The following ZNF644 variants were observed in gnomAD, a reference collection of about 807,000 sequenced individuals.
ZNF644 encodes zinc finger motif enhancer binding protein 2.
A neutral mutation model predicts 108.0 loss-of-function variants in ZNF644; 20 were observed. That is an observed-to-expected ratio of 0.19 (90% confidence interval 0.13 to 0.27). The LOEUF (loss-of-function observed/expected upper bound fraction) is 0.27. Among genes scored for constraint, ZNF644 ranks in the 10% least tolerant of loss-of-function variants. The pLI, the probability that ZNF644 is intolerant of heterozygous loss-of-function variation, is 1.00. For synonymous variants in ZNF644, 542 were observed against 539.1 expected (o/e 1.01, Z -0.08); for missense variants, 1,338 against 1,548.9 (o/e 0.86, Z 2.29).
intron 4 of ZNF644, among the ~76,000 whole-genome samples, chr1:90,934,409 A>T (rs1651100157): frequency 1.3e-5 from 2 of 152,202 alleles, no homozygotes; most frequent in African/African-American, 4.8e-5. Flanking sequence ...AAAAAGAGCA[A>T]GAGAAATAAA....
chr1:90,967,955 G>C (rs1168898743), intron 2 of ZNF644, among the ~76,000 whole-genome samples: 1 of 151,176 alleles, frequency 6.6e-6, no homozygotes, highest in Non-Finnish European at 1.5e-5. Context: ...CTGCTACTCG[G>C]GAGGCTGAGG....
chr1:90,989,123 C>T (rs1450360731), intron 1 of ZNF644, among the ~76,000 whole-genome samples: 2 of 152,032 alleles, frequency 1.3e-5, no homozygotes, highest in African/African-American at 4.8e-5. Context: ...AATCATGTAT[C>T]TGATAAGAGG....
At chr1:90,960,642 C>T (rs975416953) in intron 2 of ZNF644, among the ~76,000 whole-genome samples, 1 of 152,058 alleles carries the variant, frequency 6.6e-6, no homozygotes, top group Non-Finnish European at 1.5e-5. Context: ...GACACATTTC[C>T]ACTTCCTTAG....
At chr1:90,973,470 T>C (rs892470399) in intron 2 of ZNF644, among the ~76,000 whole-genome samples, 3 of 152,174 alleles carry the variant, frequency 2.0e-5, no homozygotes, top group African/African-American at 7.2e-5. Context: ...TATTTTAGTT[T>C]TGTTATCTGT....
chr1:90,952,484 C>T (rs1653274874), intron 2 of ZNF644, among the ~76,000 whole-genome samples: 1 of 151,648 alleles, frequency 6.6e-6, no homozygotes, highest in Admixed American at 6.6e-5. Context: ...TTTTTCAAAA[C>T]ACAGAACATT....
At chr1:90,934,582 T>C (rs1250091607) in intron 4 of ZNF644, among the ~76,000 whole-genome samples, 1 of 152,214 alleles carries the variant, frequency 6.6e-6, no homozygotes, top group Non-Finnish European at 1.5e-5. Flanking sequence ...GCGTATTACA[T>C]ATAAGTAAGC....
At chr1:91,016,341 G>A (rs189149012) in intron 1 of ZNF644, among the ~76,000 whole-genome samples, 2 of 152,258 alleles carry the variant, frequency 1.3e-5, no homozygotes, top group Admixed American at 6.5e-5. Flanking sequence ...TTTGGTCACT[G>A]TGCAAACATC....
chr1:90,994,746 A>C (rs542454946), intron 1 of ZNF644, among the ~76,000 whole-genome samples: 8 of 152,330 alleles, frequency 5.3e-5, no homozygotes, highest in African/African-American at 1.7e-4. Context: ...GGAAATTAGT[A>C]AAATTCCGAG....
At chr1:91,007,882 T>C (rs895287267) in intron 1 of ZNF644, among the ~76,000 whole-genome samples, 3 of 152,218 alleles carry the variant, frequency 2.0e-5, no homozygotes, top group Non-Finnish European at 4.4e-5. Context: ...TGGTGATCCT[T>C]AATCTCATAT....
At chr1:91,011,869 G>A (rs1350988556) in intron 1 of ZNF644, among the ~76,000 whole-genome samples, 1 of 152,140 alleles carries the variant, frequency 6.6e-6, no homozygotes, top group Non-Finnish European at 1.5e-5. Context: ...ATGCCTGGAA[G>A]CTACCATCAA....
At chr1:91,013,336 A>G (rs1660131268) in intron 1 of ZNF644, among the ~76,000 whole-genome samples, 1 of 152,064 alleles carries the variant, frequency 6.6e-6, no homozygotes, top group Middle Eastern at 3.2e-3. Context: ...TCAGCCTCCC[A>G]TAGTGCTGGG....
In ZNF644 at chr1:90,987,255, T is replaced by TG. The variant is rs1002126992; in HGVS notation, c.-17-4886_-17-4885insC. 4.0e-5 allele frequency among the ~76,000 whole-genome samples: 6 copies of TG among 148,774 alleles called. 1 individual carries two copies. Among genetic ancestry groups the TG allele is most frequent in the African/African-American group, 1.2e-4 (5 of 40,796 alleles). On this transcript the variant is annotated intron_variant, in intron 1 of 5. Transcript: ENST00000337393. ...ATGAAACCTAGAGTTGGTTTTTTTTTTTTTTTTTTTTTAAAAAAAGATCAA... is the reference window on the plus strand; with the variant it reads ...ATGAAACCTAGAGTTGGTTTTTTTTTGTTTTTTTTTTTTAAAAAAAGATCAA...
chr1:90,980,930 C>T (rs140429652), intron 2 of ZNF644, among the ~76,000 whole-genome samples: 1,728 of 152,064 alleles, frequency 0.011, 14 homozygotes, highest in South Asian at 0.021. Context: ...AGCTCTATAC[C>T]TCAAATTTTA....
intron 2 of ZNF644, among the ~76,000 whole-genome samples, chr1:90,946,286 G>C (rs1388475089): frequency 1.3e-5 from 2 of 152,046 alleles, no homozygotes; most frequent in Non-Finnish European, 2.9e-5. Context: ...GTCACATTGA[G>C]AAGAAACACT....
chr1:90,964,911 G>A (rs1014619654), intron 2 of ZNF644, among the ~76,000 whole-genome samples: 17 of 151,916 alleles, frequency 1.1e-4, no homozygotes, highest in African/African-American at 4.1e-4. Flanking sequence ...TTTACTTTTT[G>A]TTGCTTGTTG....
At position 90,940,650 on chromosome 1, in the gene ZNF644, T is replaced by C. The variant is rs562026222; in HGVS notation, c.704A>G (p.Asp235Gly). The C allele has an allele frequency of 7.4e-6, 12 of 1,614,084 alleles. No homozygotes were observed. In the Admixed American group the frequency reaches 1.2e-4, roughly 16 times the overall value. Residue 235 changes from aspartate to glycine, a missense_variant, in exon 3 of 6, where the codon GAT becomes GGT. Coordinates refer to ENST00000337393, the MANE Select transcript of ZNF644 (RefSeq NM_201269.3). Reference protein sequence around the residue: ...GEDGEDLLVKDDCVNTVTGIS... With the variant: ...GEDGEDLLVKGDCVNTVTGIS... ...TCCCGTTACTGTATTGACACAATCA[T>C]CTTTCACCAATAAATCTTCACCATC... is the stretch of plus-strand genomic sequence containing the variant.
intron 2 of ZNF644, among the ~76,000 whole-genome samples, chr1:90,941,949 C>G (rs990525955): frequency 2.0e-5 from 3 of 152,176 alleles, no homozygotes; most frequent in Non-Finnish European, 4.4e-5. Flanking sequence ...TCCCAACATT[C>G]TATCAATTGT....
chr1:91,014,054 C>T (rs968191004), intron 1 of ZNF644, among the ~76,000 whole-genome samples: 2 of 152,022 alleles, frequency 1.3e-5, no homozygotes, highest in African/African-American at 4.8e-5. Context: ...TTTTCTTCTT[C>T]TTCTTCTTAA....
At position 90,938,614 on chromosome 1, in the gene ZNF644, C is replaced by T. The variant is rs779519932; in HGVS notation, c.2740G>A (p.Asp914Asn). 9.3e-6 allele frequency: 15 copies of T among 1,611,552 alleles called. No individual in the cohort carries two copies. Among genetic ancestry groups the T allele is most frequent in the Non-Finnish European group, 1.3e-5 (15 of 1,178,702 alleles). Residue 914 changes from aspartate (D) to asparagine (N), a missense_variant, in exon 3 of 6, where the codon GAT (aspartate) becomes AAT (asparagine). Physicochemically the swap from Asp to Asn is conservative, Grantham distance 23. Transcript: ENST00000337393. This position sits in a 1 kb window ranked among gnomAD's most constrained non-coding sequence, Gnocchi z 4.2. Reference protein sequence around the residue: ...ENATLSYDQNDGFYFEYYEDT... With the variant: ...ENATLSYDQNNGFYFEYYEDT... Reference sequence around the variant, plus strand: ...TCATAGTATTCAAAATAAAAGCCATCGTTTTGGTCATAACTAAGAGTAGCA... The same window carrying T: ...TCATAGTATTCAAAATAAAAGCCATTGTTTTGGTCATAACTAAGAGTAGCA...
Sources: allele counts gnomAD v4.1 joint callset (sites outside exome capture counted in the v4.1 genomes callset), GRCh38; gene constraint gnomAD v4.1.1; non-coding constraint Gnocchi (gnomAD v3.1); transcripts MANE v1.5; gene names NCBI Gene and HGNC (gene_info 2026-07-23, HGNC 2026-07-21).